Variants in PRKD1 observed in about 807,000 individuals in gnomAD.
PRKD1 encodes protein kinase D1, also known as serine/threonine-protein kinase D1.
In PRKD1, 63 loss-of-function variants were observed where a neutral mutation model predicts 95.9. The observed-to-expected ratio is 0.66, with a 90% CI of 0.54 to 0.81. PRKD1 has a LOEUF of 0.81. Among genes scored for constraint, PRKD1 ranks in the 30% least tolerant of loss-of-function variants. The probability of loss-of-function intolerance (pLI) is 0.00; values close to 1 mark genes in which losing one functional copy is unlikely to be tolerated. For missense variants in PRKD1, 1,048 were observed against 1,165.3 expected (o/e 0.90, Z 1.47); for synonymous variants, 425 against 423.1 (o/e 1.00, Z -0.05).
At chr14:29,636,138 A>G in intron 7 of PRKD1, 152 bp downstream of exon 7, 1 of 914,112 alleles carries the variant, frequency 1.1e-6, no homozygotes, top group Non-Finnish European at 1.7e-6. Flanking sequence ...CCTAACTTCA[A>G]AGGCTCTCAT....
At chr14:29,853,797 G>C (rs1341880832) in intron 1 of PRKD1, among the ~76,000 whole-genome samples, 1 of 152,150 alleles carries the variant, frequency 6.6e-6, no homozygotes, top group African/African-American at 2.4e-5. Flanking sequence ...TTGAATCATG[G>C]GCGCAGGTCT....
At chr14:29,720,249 A>C (rs539881576) in intron 2 of PRKD1, among the ~76,000 whole-genome samples, 1 of 152,128 alleles carries the variant, frequency 6.6e-6, no homozygotes, top group Non-Finnish European at 1.5e-5. Flanking sequence ...GGTTATCCCC[A>C]TTTTACAGAT....
At chr14:29,619,430 A>T (rs1453790871) in intron 13 of PRKD1, among the ~76,000 whole-genome samples, 1 of 152,166 alleles carries the variant, frequency 6.6e-6, no homozygotes, top group Non-Finnish European at 1.5e-5. Flanking sequence ...AATTCAACAA[A>T]AATTTATTTA....
At chr14:29,610,360 C>T (rs1031516450) in intron 13 of PRKD1, among the ~76,000 whole-genome samples, 7 of 152,016 alleles carry the variant, frequency 4.6e-5, no homozygotes, top group Non-Finnish European at 1.0e-4. Context: ...GGCCAAAAAC[C>T]TTAACAGACC....
intron 4 of PRKD1, among the ~76,000 whole-genome samples, chr14:29,652,284 G>A (rs17115137): frequency 0.036 from 5,513 of 152,142 alleles, 291 homozygotes; most frequent in African/African-American, 0.12. Flanking sequence ...CTAAAAATCC[G>A]ATTGTTTTTA....
rs1367887907 is a variant in PRKD1 at position 29,819,460 on chromosome 14, G to A, written c.265-93786C>T. ...AATCCCAGCACTTTGGGAGGCCGAG[G>A]CAGGCGGATCACGAGGTCAGGAGAT... On this transcript the variant is annotated intron_variant, in intron 1 of 17. Transcript: ENST00000331968. Among the ~76,000 whole-genome samples, 3 of 152,160 alleles carry A rather than the reference G, an allele frequency of 2.0e-5. No individual in the cohort carries two copies. The East Asian group carries it at 5.8e-4, about 29-fold the overall frequency.
At chr14:29,610,477 C>G (rs1878387367) in intron 13 of PRKD1, among the ~76,000 whole-genome samples, 2 of 152,120 alleles carry the variant, frequency 1.3e-5, no homozygotes, top group African/African-American at 4.8e-5. Flanking sequence ...GATACCATTA[C>G]ACACCTATTA....
intron 1 of PRKD1, 151 bp downstream of exon 1, chr14:29,927,098 G>T: frequency 2.5e-6 from 2 of 792,316 alleles, no homozygotes; most frequent in Non-Finnish European, 1.7e-6. Flanking sequence ...CAGGCGTCCA[G>T]CCGCGGCGGG....
At chr14:29,596,468 T>G (rs1366333400) in intron 16 of PRKD1, among the ~76,000 whole-genome samples, 1 of 152,194 alleles carries the variant, frequency 6.6e-6, no homozygotes, top group Non-Finnish European at 1.5e-5. Context: ...ACTTCTTTTT[T>G]TTTGAGATGG....
intron 16 of PRKD1, among the ~76,000 whole-genome samples, chr14:29,592,966 T>G (rs17114988): frequency 0.014 from 2,073 of 152,274 alleles, 49 homozygotes; most frequent in African/African-American, 0.048. Context: ...CAAGAGGCTG[T>G]CAATATCCTG....
rs542399867 is a variant in PRKD1 at position 29,826,122 on chromosome 14, C to G, written c.265-100448G>C. On this transcript the variant is annotated intron_variant, in intron 1 of 17. Transcript: ENST00000331968. Reference sequence around the variant, plus strand: ...AACTGCGTGGTATGTGTGTGTGTGTCTCTCTCTATATATATATATGGATGT... The same window carrying G: ...AACTGCGTGGTATGTGTGTGTGTGTGTCTCTCTATATATATATATGGATGT... 7.6e-3 allele frequency among the ~76,000 whole-genome samples: 1,136 copies of G among 149,180 alleles called. 28 individuals carry two copies. Among genetic ancestry groups the G allele is most frequent in the African/African-American group, 0.026 (1,065 of 40,536 alleles).
rs1206927919 is a variant in PRKD1 at position 29,723,664 on chromosome 14, A to AGTGTGT, written c.403+1871_403+1872insACACAC. On this transcript the variant is annotated intron_variant, in intron 2 of 17. Transcript: ENST00000331968. ...AGCGCAGGAGATCTAAACATAATTG[A>AGTGTGT]GTGTGCGTGTGTGTGTGTGTGTGTG... Among the ~76,000 whole-genome samples the AGTGTGT allele has an allele frequency of 4.0e-3, 392 of 98,410 alleles. 2 individuals carry two copies. The highest frequency in any genetic ancestry group is 0.014 in the African/African-American group (371 of 26,216). The allele number at this position is 98,410 out of a possible 152,430, so 64.6% of individuals were successfully genotyped here. A position where few individuals can be genotyped will look rare whatever the true frequency, so the allele number is the denominator to read the frequency against.
At chr14:29,740,116 C>T (rs1886921253) in intron 1 of PRKD1, among the ~76,000 whole-genome samples, 1 of 152,122 alleles carries the variant, frequency 6.6e-6, no homozygotes, top group Non-Finnish European at 1.5e-5. Context: ...TATTAGAAGT[C>T]TTAGTAGACA....
At chr14:29,796,301 A>T (rs1429590419) in intron 1 of PRKD1, among the ~76,000 whole-genome samples, 1 of 152,142 alleles carries the variant, frequency 6.6e-6, no homozygotes, top group Non-Finnish European at 1.5e-5. Flanking sequence ...GGAATTTGGA[A>T]ATTGGTACGA....
chr14:29,678,639 G>A (rs1264851575), intron 2 of PRKD1, among the ~76,000 whole-genome samples: 2 of 152,114 alleles, frequency 1.3e-5, no homozygotes, highest in African/African-American at 4.8e-5. Context: ...AAATTTCAAA[G>A]AGTATGTGTG....
chr14:29,765,565 A>G (rs555965803), intron 1 of PRKD1, among the ~76,000 whole-genome samples: 1 of 152,332 alleles, frequency 6.6e-6, no homozygotes, highest in South Asian at 2.1e-4. Flanking sequence ...AGGAACATCA[A>G]AAGACATAAA....
intron 2 of PRKD1, among the ~76,000 whole-genome samples, chr14:29,698,525 A>G (rs1221719806): frequency 2.0e-5 from 3 of 152,170 alleles, no homozygotes; most frequent in Non-Finnish European, 4.4e-5. Context: ...AATAGTACAT[A>G]AAAACCTAAC....
chr14:29,599,414 T>C (rs1893430419), intron 14 of PRKD1, among the ~76,000 whole-genome samples: 1 of 152,208 alleles, frequency 6.6e-6, no homozygotes, highest in Admixed American at 6.5e-5. Flanking sequence ...CCAATGTACA[T>C]TTTAAAATTT....
chr14:29,868,505 C>T (rs555289415), intron 1 of PRKD1, among the ~76,000 whole-genome samples: 3 of 152,242 alleles, frequency 2.0e-5, no homozygotes, highest in Admixed American at 1.3e-4. Context: ...CTGTATGAAG[C>T]GTATGGAGGT....
Sources: allele counts gnomAD v4.1 joint callset (sites outside exome capture counted in the v4.1 genomes callset), GRCh38; gene constraint gnomAD v4.1.1; transcripts MANE v1.5; gene names NCBI Gene and HGNC (gene_info 2026-07-23, HGNC 2026-07-21).